Variants in DDI2 observed in about 807,000 individuals in gnomAD.
The protein encoded by DDI2 is protein DDI1 homolog 2.
DDI2 carries 5 observed loss-of-function variants against 48.1 expected under a neutral mutation model. The ratio of observed to expected loss-of-function variants is 0.10; its 90% confidence interval spans 0.05 to 0.22. The LOEUF (loss-of-function observed/expected upper bound fraction) is 0.22, where lower values mean the gene tolerates loss of function less well. DDI2 is among the 10% of genes least tolerant of loss of function. The probability of loss-of-function intolerance (pLI) is 1.00; values close to 1 mark genes in which losing one functional copy is unlikely to be tolerated. For synonymous variants in DDI2, 205 were observed against 183.6 expected, an observed-to-expected ratio of 1.12 and a Z score of -0.94; for missense variants, 285 against 506.2, an observed-to-expected ratio of 0.56 and a Z score of 4.19.
At position 15,664,330 on chromosome 1, in the gene DDI2, C is replaced by T. The variant is rs1455254481; in HGVS notation, c.*4540C>T. The T allele has an allele frequency of 6.6e-6, 1 of 151,414 alleles. No individual in the cohort carries two copies. Among genetic ancestry groups the T allele is most frequent in the Non-Finnish European group, 1.5e-5 (1 of 68,008 alleles). The allele number at this position is 151,414 out of a possible 1,614,324, so 9.4% of individuals were successfully genotyped here. ...CCTGTAATCCCAGCTACTTGGGAGA[C>T]TGAGGCAGGAGAATTGCTTGAACCT... On this transcript the variant is annotated 3_prime_UTR_variant, in exon 10 of 10. Coordinates refer to ENST00000480945, the MANE Select transcript of DDI2 (RefSeq NM_032341.5).
intron 7 of DDI2, 65 bp from the exon 8 acceptor site, chr1:15,651,641 T>C (rs1640185288): frequency 6.8e-7 from 1 of 1,468,526 alleles, no homozygotes; most frequent in African/African-American, 1.4e-5. Context: ...AGTTTTAAAT[T>C]AAGGAGCATA....
chr1:15,659,907 C>T lies in DDI2; in HGVS notation c.*117C>T, dbSNP rs140251091. On this transcript the variant is annotated 3_prime_UTR_variant, in exon 10 of 10. Transcript: ENST00000480945. ...CAACTTCAGATGGGTTTAACCATCC[C>T]GCCCGTTCTTCAGGACAGAGTCCTG... 1.5e-5 allele frequency: 24 copies of T among 1,604,268 alleles called. No homozygotes were observed. Among genetic ancestry groups the T allele is most frequent in the South Asian group, 2.2e-5 (2 of 89,076 alleles).
At position 15,657,164 on chromosome 1, in the gene DDI2, G is replaced by T. The variant is rs565513460; in HGVS notation, c.*46+485G>T. Among the ~76,000 whole-genome samples the T allele has an allele frequency of 8.7e-4, 132 of 152,318 alleles. 1 individual carries two copies. The highest frequency in any genetic ancestry group is 2.7e-3 in the African/African-American group (111 of 41,572). On this transcript the variant is annotated intron_variant, in intron 9 of 9. Transcript: ENST00000480945. ...ACTTAGGCCAGAGGACTTGTCAGGG[G>T]TGACTCTGAACAACAGGAACTAAGA...
chr1:15,634,920 C>G (rs1389208602), intron 4 of DDI2, among the ~76,000 whole-genome samples: 2 of 152,094 alleles, frequency 1.3e-5, no homozygotes, highest in African/African-American at 4.8e-5. Context: ...GTGTGAACAC[C>G]ATGTCCTGCC....
intron 8 of DDI2, among the ~76,000 whole-genome samples, chr1:15,655,950 T>A (rs1049705139): frequency 6.6e-6 from 1 of 151,968 alleles, no homozygotes; most frequent in African/African-American, 2.4e-5. Flanking sequence ...AAAGAGCTTA[T>A]TTTTTAAATA....
intron 9 of DDI2, among the ~76,000 whole-genome samples, chr1:15,658,129 C>A (rs1008920723): frequency 1.3e-5 from 2 of 151,886 alleles, no homozygotes; most frequent in Non-Finnish European, 2.9e-5. Context: ...TTGTTACTGA[C>A]CTTTTGATTT....
rs1250420078 is a variant in DDI2, at chr1:15,664,219, T to G, written c.*4429T>G. 1 of 152,148 alleles carries G rather than the reference T, an allele frequency of 6.6e-6. No individual in the cohort carries two copies. The highest frequency in any genetic ancestry group is 1.5e-5 in the Non-Finnish European group (1 of 68,036). 9.4% of individuals were successfully genotyped at this position (152,148 alleles called of 1,614,324 possible). On this transcript the variant is annotated 3_prime_UTR_variant, in exon 10 of 10. Transcript: ENST00000480945. ...TTTAAAATCTTCTTGCCCATCATTTTTATAAAAATAAAGCTGTTTGTCCAA... is the reference window on the plus strand; with the variant it reads ...TTTAAAATCTTCTTGCCCATCATTTGTATAAAAATAAAGCTGTTTGTCCAA...
chr1:15,660,885 G>C lies in DDI2; in HGVS notation c.*1095G>C, dbSNP rs1640361844. 1.2e-6 allele frequency: 2 copies of C among 1,614,102 alleles called. No individual in the cohort carries two copies. Among genetic ancestry groups the C allele is most frequent in the Non-Finnish European group, 8.5e-7 (1 of 1,180,006 alleles). ...CTCCAAGTCTCTGTGGCAGTTGTCA[G>C]CCTTCTGTGGAGTCAGCAGAAGAAT... On this transcript the variant is annotated 3_prime_UTR_variant, in exon 10 of 10. Coordinates refer to ENST00000480945, the MANE Select transcript of DDI2 (RefSeq NM_032341.5).
chr1:15,652,455 GGGGGGGGGGGC>G, intron 8 of DDI2, among the ~76,000 whole-genome samples: 1 of 107,036 alleles, frequency 9.3e-6, no homozygotes, highest in Non-Finnish European at 2.0e-5. Flanking sequence ...CCGGAGGGGG[GGGGGGGGGGGC>G]GGATCACCTG....
chr1:15,656,813 T>C (rs1640280344), intron 9 of DDI2, 134 bp downstream of exon 9: 1 of 1,231,928 alleles, frequency 8.1e-7, no homozygotes, highest in Non-Finnish European at 1.1e-6. Context: ...ACAACTAGCC[T>C]ATATGCATTT....
intron 3 of DDI2, among the ~76,000 whole-genome samples, chr1:15,632,084 G>A (rs1570971714): frequency 2.0e-5 from 3 of 151,908 alleles, no homozygotes; most frequent in South Asian, 2.1e-4. Context: ...GATTACAGGC[G>A]TGAGCCACCA....
chr1:15,632,223 C>T (rs1639857314), intron 3 of DDI2, among the ~76,000 whole-genome samples: 1 of 152,124 alleles, frequency 6.6e-6, no homozygotes, highest in African/African-American at 2.4e-5. Flanking sequence ...TATCTAATCA[C>T]CAAAGATGGT....
At chr1:15,626,522 CTG>C (rs1156690730) in intron 1 of DDI2, 145 bp from the exon 2 acceptor site, 5 of 1,119,300 alleles carry the variant, frequency 4.5e-6, no homozygotes, top group Non-Finnish European at 6.3e-6. Flanking sequence ...ACGGGAAGGA[CTG>C]TGGGTTTTGT....
At chr1:15,645,727 G>T (rs999410786) in intron 6 of DDI2, among the ~76,000 whole-genome samples, 1 of 152,092 alleles carries the variant, frequency 6.6e-6, no homozygotes, top group Non-Finnish European at 1.5e-5. Context: ...TTAAATAGCC[G>T]GGTGTGGTGG....
chr1:15,635,239 A>G (rs935128254), intron 4 of DDI2, among the ~76,000 whole-genome samples: 1 of 151,904 alleles, frequency 6.6e-6, no homozygotes, highest in Non-Finnish European at 1.5e-5. Context: ...TAGGAAAAAA[A>G]AAAAAAGAAA....
intron 8 of DDI2, among the ~76,000 whole-genome samples, 163 bp downstream of exon 8, chr1:15,652,058 C>CTTTTTTTTTTTTTTTTTTTTTTT (rs772990709): frequency 1.2e-4 from 9 of 75,976 alleles, no homozygotes; most frequent in African/African-American, 4.6e-4. Flanking sequence ...TTTGATCTTC[C>CTTTTTTTTTTTTTTTTTTTTTTT]TTTTTTTTTT....
intron 6 of DDI2, among the ~76,000 whole-genome samples, chr1:15,649,013 T>G (rs2103476356): frequency 6.6e-6 from 1 of 151,720 alleles, no homozygotes; most frequent in East Asian, 2.0e-4. Context: ...CAGGGATGAC[T>G]GCCTGAGGCC....
Position 15,624,964 on chromosome 1 carries a change from A to T in DDI2, c.139-1705A>T, listed in dbSNP as rs59222015. ...AATAGTATTTTTTTTCAAGTCATGC[A>T]TAAAACTTGTATAATTGGGCCTACA... On this transcript the variant is annotated intron_variant, in intron 1 of 9. Coordinates refer to ENST00000480945, the MANE Select transcript of DDI2 (RefSeq NM_032341.5). Among the ~76,000 whole-genome samples, 716 of 152,304 alleles carry T rather than the reference A, an allele frequency of 4.7e-3. 7 individuals are homozygous for T. Among genetic ancestry groups the T allele is most frequent in the African/African-American group, 0.016 (685 of 41,562 alleles).
At chr1:15,655,752 CAAA>C (rs111602583) in intron 8 of DDI2, among the ~76,000 whole-genome samples, 6 of 115,938 alleles carry the variant, frequency 5.2e-5, no homozygotes, top group African/African-American at 6.1e-5. Flanking sequence ...GACTCCTTCT[CAAA>C]AAAAAAAAAA....
Sources: gnomAD v4.1 joint callset for allele counts (sites outside exome capture counted in the v4.1 genomes callset) on GRCh38, gnomAD v4.1.1 for gene constraint, MANE v1.5 for transcripts, NCBI Gene and HGNC (gene_info 2026-07-23, HGNC 2026-07-21) for gene names.